The following PPFIA4 variants were observed in gnomAD, a reference collection of about 807,000 sequenced individuals.
The protein encoded by PPFIA4 is PPFI scaffold protein A4, also known as liprin-alpha-4.
In PPFIA4, 98 loss-of-function variants were observed where a neutral mutation model predicts 145.7. The observed-to-expected ratio is 0.67, with a 90% CI of 0.57 to 0.80. The LOEUF (loss-of-function observed/expected upper bound fraction) is 0.80. Among genes scored for constraint, PPFIA4 ranks in the 30% least tolerant of loss-of-function variants. The probability of loss-of-function intolerance (pLI) is 0.00; values close to 1 mark genes in which losing one functional copy is unlikely to be tolerated. For missense variants in PPFIA4, 1,457 were observed against 1,632.7 expected (o/e 0.89, Z 1.85); for synonymous variants, 628 against 649.6 (o/e 0.97, Z 0.51).
rs1420540520 is a variant in PPFIA4 at position 203,053,786 on chromosome 1, G to T, written c.1654G>T (p.Ala552Ser). The change falls in exon 15 of 30, where the codon GCC becomes TCC. Residue 552 changes from alanine (A) to serine (S), a missense_variant. By Grantham distance (99) the Ala-to-Ser change is moderately conservative. Coordinates refer to ENST00000295706, the MANE Select transcript of PPFIA4 (RefSeq NM_001304331.2). ...GACTTCTCCACTGCCTGGGATGCTGGCCCCGGCAGCTGGCCCTGCCTTTGA... is the reference window on the plus strand; with the variant it reads ...GACTTCTCCACTGCCTGGGATGCTGTCCCCGGCAGCTGGCCCTGCCTTTGA... ...WETSPLPGML[A>S]PAAGPAFDSD... 3 of 1,551,712 alleles carry T rather than the reference G, an allele frequency of 1.9e-6. No homozygotes were observed. Among genetic ancestry groups the T allele is most frequent in the Non-Finnish European group, 8.7e-7 (1 of 1,147,442 alleles).
At chr1:203,036,789 C>T (rs530464501) in intron 1 of PPFIA4, among the ~76,000 whole-genome samples, 2 of 152,298 alleles carry the variant, frequency 1.3e-5, no homozygotes, top group African/African-American at 2.4e-5. Flanking sequence ...CAGGGAGGTG[C>T]GAGTAGGCTG....
chr1:203,040,183 G>A (rs1659599065), intron 2 of PPFIA4, among the ~76,000 whole-genome samples: 1 of 152,234 alleles, frequency 6.6e-6, no homozygotes, highest in Non-Finnish European at 1.5e-5. Context: ...AGGGCTGGGG[G>A]TTGTGTGTCT....
At chr1:203,026,905 G>A (rs1658434623) in intron 1 of PPFIA4, among the ~76,000 whole-genome samples, 1 of 152,190 alleles carries the variant, frequency 6.6e-6, no homozygotes, top group Admixed American at 6.5e-5. Flanking sequence ...TTCAGGGGAG[G>A]GGGCCGAGTT....
In PPFIA4 at chr1:203,048,371, G is replaced by A. The variant is rs75161160; in HGVS notation, c.1224+61G>A. ...TTCCCGCAGGACAGGCTCCCAGGGC[G>A]GTCTGTGGAAGGGGCACGGAGGAAG... On this transcript the variant is annotated intron_variant, in intron 10 of 29. Coordinates refer to ENST00000295706, the MANE Select transcript of PPFIA4 (RefSeq NM_001304331.2). This position sits in a 1 kb window ranked among gnomAD's most constrained non-coding sequence, Gnocchi z 5.8. 2,819 of 1,570,982 alleles carry A rather than the reference G, an allele frequency of 1.8e-3. 3 individuals are homozygous for A. Among genetic ancestry groups the A allele is most frequent in the Non-Finnish European group, 1.9e-3 (2,135 of 1,153,260 alleles).
chr1:203,046,304 G>A lies in PPFIA4; in HGVS notation c.1062G>A (p.Leu354=), dbSNP rs1375539278. The A allele has an allele frequency of 5.6e-6, 9 of 1,595,928 alleles. No homozygotes were observed. The highest frequency in any genetic ancestry group is 1.7e-5 in the Admixed American group (1 of 57,168). The change falls in exon 9 of 30, where the codon CTG becomes CTA. Residue 354 remains leucine, a synonymous_variant. Coordinates refer to ENST00000295706, the MANE Select transcript of PPFIA4 (RefSeq NM_001304331.2). The part of the protein sequence containing the change: ...QELLEVAEQK[L]QQTMRKAETL... Reference sequence around the variant, plus strand: ...TGCTGGAGGTGGCAGAGCAGAAGCTGCAGCAGACGATGCGCAAGGCAGAGA... The same window carrying A: ...TGCTGGAGGTGGCAGAGCAGAAGCTACAGCAGACGATGCGCAAGGCAGAGA...
intron 14 of PPFIA4, among the ~76,000 whole-genome samples, chr1:203,053,524 C>T (rs1660686357): frequency 6.6e-6 from 1 of 151,516 alleles, no homozygotes; most frequent in African/African-American, 2.4e-5. Flanking sequence ...CAGAGGGAGA[C>T]TCCATCTCAA....
intron 16 of PPFIA4, 66 bp from the exon 17 acceptor site, chr1:203,056,053 TC>T (rs1157145707): frequency 9.7e-6 from 15 of 1,539,458 alleles, no homozygotes; most frequent in Admixed American, 5.2e-5. Flanking sequence ...ACCACTGGGC[TC>T]CCCTGGGGTT....
In PPFIA4 at chr1:203,076,402, A is replaced by G. The variant is rs913856160; in HGVS notation, c.*12A>G. 4 of 1,607,876 alleles carry G rather than the reference A, an allele frequency of 2.5e-6. No individual in the cohort carries two copies. Among genetic ancestry groups the G allele is most frequent in the Non-Finnish European group, 3.4e-6 (4 of 1,179,348 alleles). The stretch of plus-strand genomic sequence containing the variant: ...CCTTCCGGGACTAGCCATGGCCCCC[A>G]GGGCTGGCTTCCTCCTTCTGGGTTT... On this transcript the variant is annotated 3_prime_UTR_variant, in exon 30 of 30. Coordinates refer to ENST00000295706, the MANE Select transcript of PPFIA4 (RefSeq NM_001304331.2).
chr1:203,061,677 A>G lies in PPFIA4; in HGVS notation c.2873A>G (p.Gln958Arg). 1.9e-6 allele frequency: 3 copies of G among 1,566,200 alleles called. No individual in the cohort carries two copies. The highest frequency in any genetic ancestry group is 2.6e-6 in the Non-Finnish European group (3 of 1,155,102). ...KTDSEEGSWA[Q>R]TLAYGDMNHE... is the part of the protein sequence containing the mutation. ...GACAGTGAGGAGGGCAGCTGGGCTC[A>G]GGTAAGACTCCCTACCCTGTCTAGA... Residue 958 changes from glutamine to arginine, a missense_variant and splice_region_variant, in exon 24 of 30, where the codon CAG (glutamine) becomes CGG (arginine). Transcript: ENST00000295706.
In PPFIA4 at chr1:203,076,292, C is replaced by T. The variant is rs374639169; in HGVS notation, c.3575-49C>T. 812 of 1,564,916 alleles carry T rather than the reference C, an allele frequency of 5.2e-4. 1 individual carries two copies. Among genetic ancestry groups the T allele is most frequent in the Non-Finnish European group, 6.6e-4 (760 of 1,147,272 alleles). On this transcript the variant is annotated intron_variant, in intron 29 of 29. Transcript: ENST00000295706. ...CATCCTACAACCTCTCTCGCAGATG[C>T]CCTGCAACCTGCCTCACAGTGCGAT...
chr1:203,054,305 CTG>C (rs1660757578), intron 15 of PPFIA4, among the ~76,000 whole-genome samples: 1 of 152,216 alleles, frequency 6.6e-6, no homozygotes, highest in African/African-American at 2.4e-5. Flanking sequence ...GTAAATGTCA[CTG>C]TCCATCTTAC....
At chr1:203,052,049 C>CCCG (rs1262073454) in intron 14 of PPFIA4, among the ~76,000 whole-genome samples, 172 bp downstream of exon 14, 1 of 137,238 alleles carries the variant, frequency 7.3e-6, no homozygotes. Context: ...AGCTGTGCCC[C>CCCG]CCCCCCCGCT....
In PPFIA4 at chr1:203,045,503, C is replaced by T. The variant is rs780401326; in HGVS notation, c.802C>T (p.Arg268Trp). Reference protein sequence around the residue: ...ELEEDLGTARRDLIKSEELSS... With the variant: ...ELEEDLGTARWDLIKSEELSS... ...CGAGGAGGACCTGGGCACGGCCCGC[C>T]GGGACCTCATCAAGTCGGAGGAGCT... Residue 268 changes from arginine to tryptophan, a missense_variant, in exon 7 of 30, where the codon CGG becomes TGG. Physicochemically the swap from Arg to Trp is moderately radical, Grantham distance 101. Transcript: ENST00000295706. 15 of 1,607,858 alleles carry T rather than the reference C, an allele frequency of 9.3e-6. No individual in the cohort carries two copies. The highest frequency in any genetic ancestry group is 5.6e-5 in the South Asian group (5 of 89,950).
chr1:203,039,432 A>C (rs1659546433), intron 2 of PPFIA4, among the ~76,000 whole-genome samples, 190 bp downstream of exon 2: 1 of 152,220 alleles, frequency 6.6e-6, no homozygotes, highest in Admixed American at 6.5e-5. Context: ...CTGGAAGGTG[A>C]AATGGATGGA....
intron 2 of PPFIA4, among the ~76,000 whole-genome samples, chr1:203,040,344 T>C (rs1659612596): frequency 6.6e-6 from 1 of 152,176 alleles, no homozygotes; most frequent in Admixed American, 6.5e-5. Flanking sequence ...AAGGCAGCCC[T>C]GAGGAGCCGA....
intron 4 of PPFIA4, 117 bp downstream of exon 4, chr1:203,044,212 T>C: frequency 8.0e-7 from 1 of 1,255,014 alleles, no homozygotes. Flanking sequence ...CCTCCAAACA[T>C]TGTCTTAACT....
intron 8 of PPFIA4, 64 bp downstream of exon 8, chr1:203,046,051 C>T (rs1660062309): frequency 3.1e-6 from 5 of 1,604,860 alleles, no homozygotes; most frequent in Non-Finnish European, 4.3e-6. Context: ...CCTCGTGAAC[C>T]TACTGGTGAT....
At chr1:203,053,485 A>T (rs1660682382) in intron 14 of PPFIA4, among the ~76,000 whole-genome samples, 1 of 150,176 alleles carries the variant, frequency 6.7e-6, no homozygotes, top group African/African-American at 2.5e-5. Context: ...GTGAGCCGAG[A>T]TCACGCCACT....
intron 19 of PPFIA4, among the ~76,000 whole-genome samples, chr1:203,057,473 T>C (rs960787381): frequency 2.0e-5 from 3 of 152,232 alleles, no homozygotes; most frequent in African/African-American, 7.2e-5. Flanking sequence ...ATAGTATAAA[T>C]GTCTAGTACA....
Sources: allele counts gnomAD v4.1 joint callset (sites outside exome capture counted in the v4.1 genomes callset), GRCh38; gene constraint gnomAD v4.1.1; non-coding constraint Gnocchi (gnomAD v3.1); transcripts MANE v1.5; gene names NCBI Gene and HGNC (gene_info 2026-07-23, HGNC 2026-07-21).